Variants in RSPH14 observed in about 807,000 individuals in gnomAD.
RSPH14 encodes the protein rhabdoid tumor deletion region gene 1.
RSPH14 carries 20 observed loss-of-function variants against 26.7 expected under a neutral mutation model. The ratio of observed to expected loss-of-function variants is 0.75; its 90% CI spans 0.53 to 1.09. RSPH14 has a LOEUF of 1.09. Among genes scored for constraint, RSPH14 ranks in the 50% least tolerant of loss-of-function variants. The pLI is 0.00. For missense variants in RSPH14, 449 were observed against 457.2 expected (o/e 0.98, Z 0.16); for synonymous variants, 177 against 189.3 (o/e 0.93, Z 0.53).
the RSPH14 span, among the ~76,000 whole-genome samples, chr22:23,168,223 C>G: frequency 4.6e-5 from 7 of 152,156 alleles, no homozygotes; most frequent in African/African-American, 1.7e-4. Flanking sequence ...GGGGCATAAG[C>G]CCTGGGTCCA....
chr22:23,069,443 C>T (rs2068285794), intron 4 of RSPH14, among the ~76,000 whole-genome samples: 1 of 152,216 alleles, frequency 6.6e-6, no homozygotes, highest in African/African-American at 2.4e-5. Context: ...AACTGAGGGA[C>T]TCCTGGCCCT....
chr22:23,162,281 GAAC>G, the RSPH14 span: 1 of 242,096 alleles, frequency 4.1e-6, no homozygotes, highest in Non-Finnish European at 8.2e-6. Flanking sequence ...AGGATGTGCA[GAAC>G]AACCACTCAG....
intron 4 of RSPH14, among the ~76,000 whole-genome samples, chr22:23,098,578 G>A (rs1435964824): frequency 1.3e-5 from 2 of 152,218 alleles, no homozygotes; most frequent in Non-Finnish European, 2.9e-5. Flanking sequence ...CAGCCAGGCT[G>A]GCACACCCAC....
chr22:23,130,471 G>A (rs1320324532), intron 4 of RSPH14, among the ~76,000 whole-genome samples: 1 of 18,624 alleles, frequency 5.4e-5, no homozygotes, highest in African/African-American at 2.9e-4. Context: ...AAAAGAAAAA[G>A]AAAAGAGAAA....
At chr22:23,123,751 C>A in intron 4 of RSPH14, 6 of 336,302 alleles carry the variant, frequency 1.8e-5, no homozygotes, top group South Asian at 8.1e-5. Context: ...ACTTTGCCTT[C>A]CTGAGTTGGC....
At chr22:23,133,593 CT>C (rs776708967) in intron 4 of RSPH14, among the ~76,000 whole-genome samples, 87 of 151,312 alleles carry the variant, frequency 5.7e-4, no homozygotes, top group Non-Finnish European at 9.3e-4. Flanking sequence ...TTTTTTCTTT[CT>C]TTTTTTTTGT....
chr22:23,100,729 G>T (rs2330336), intron 4 of RSPH14, among the ~76,000 whole-genome samples: 36,937 of 152,154 alleles, frequency 0.24, 4,749 homozygotes, highest in East Asian at 0.35. Flanking sequence ...TTGTGGAGCG[G>T]GCGGGAGGCG....
chr22:23,155,780 C>T, the RSPH14 span, among the ~76,000 whole-genome samples: 15 of 152,168 alleles, frequency 9.9e-5, no homozygotes, highest in Non-Finnish European at 4.4e-5. Flanking sequence ...CCACTGGGGG[C>T]ACCCTAGGAA....
chr22:23,173,079 T>C, the RSPH14 span, among the ~76,000 whole-genome samples: 1 of 152,202 alleles, frequency 6.6e-6, no homozygotes. Context: ...GCTCCTTTCT[T>C]TTTAGTGCTG....
upstream of RSPH14, among the ~76,000 whole-genome samples, chr22:23,142,405 C>G (rs1369376734): frequency 6.6e-6 from 1 of 152,058 alleles, no homozygotes; most frequent in Non-Finnish European, 1.5e-5. Flanking sequence ...AACCTCCGCT[C>G]CACTCCGCGC....
intron 4 of RSPH14, among the ~76,000 whole-genome samples, chr22:23,067,667 C>A (rs1179901202): frequency 6.6e-6 from 1 of 152,204 alleles, no homozygotes; most frequent in Non-Finnish European, 1.5e-5. Flanking sequence ...CTCTGGTACC[C>A]TCCATTCTCT....
At chr22:23,157,114 G>A in the RSPH14 span, among the ~76,000 whole-genome samples, 1 of 152,222 alleles carries the variant, frequency 6.6e-6, no homozygotes, top group African/African-American at 2.4e-5. Context: ...AGTGATGAGA[G>A]GAGCTGAGGG....
the RSPH14 span, among the ~76,000 whole-genome samples, chr22:23,154,498 G>C: frequency 1.1e-4 from 17 of 152,240 alleles, no homozygotes; most frequent in Admixed American, 9.8e-4. Context: ...AGAGAACGCA[G>C]GGCTGCAGGA....
At chr22:23,180,526 C>T in the RSPH14 span, 1 of 181,948 alleles carries the variant, frequency 5.5e-6, no homozygotes, top group Middle Eastern at 2.2e-3. Flanking sequence ...GCGGGCCGGG[C>T]GGGAGTGCGG....
At chr22:23,136,424 C>T (rs2070486010) in intron 3 of RSPH14, 1 of 562,254 alleles carries the variant, frequency 1.8e-6, no homozygotes, top group Admixed American at 3.2e-5. Flanking sequence ...TATAAGATCA[C>T]CACTGACCTC....
chr22:23,176,994 C>G, the RSPH14 span, among the ~76,000 whole-genome samples: 56 of 152,364 alleles, frequency 3.7e-4, 1 homozygote, highest in South Asian at 0.011. Flanking sequence ...CAGAACATGC[C>G]CATGGTACTG....
the RSPH14 span, chr22:23,162,904 A>G: frequency 9.0e-6 from 3 of 334,820 alleles, no homozygotes; most frequent in Non-Finnish European, 1.7e-5. Flanking sequence ...GTAGTTTTTT[A>G]TATAAATGAC....
At chr22:23,134,389 C>T (rs2070421955) in intron 3 of RSPH14, among the ~76,000 whole-genome samples, 1 of 152,036 alleles carries the variant, frequency 6.6e-6, no homozygotes, top group Non-Finnish European at 1.5e-5. Context: ...CTTGCCTCCA[C>T]ATCTATGTAC....
At chr22:23,095,966 C>T in intron 4 of RSPH14, 1 of 1,611,710 alleles carries the variant, frequency 6.2e-7, no homozygotes, top group Non-Finnish European at 8.5e-7. Context: ...CCTGGCCGCC[C>T]TCAGGATCGA....
Sources: allele counts gnomAD v4.1 joint callset (sites outside exome capture counted in the v4.1 genomes callset), GRCh38; gene constraint gnomAD v4.1.1; transcripts MANE v1.5; gene names NCBI Gene and HGNC (gene_info 2026-07-23, HGNC 2026-07-21).